EYS: variants seen among roughly 807,000 people sequenced by gnomAD.
EYS encodes the protein EGF-like photoreceptor maintenance factor, also known as protein eyes shut homolog.
EYS carries 250 observed loss-of-function variants against 282.1 expected under a neutral mutation model. The ratio of observed to expected loss-of-function variants is 0.89; its 90% CI spans 0.80 to 0.98. EYS has a LOEUF of 0.98. Ranked by LOEUF, EYS falls within the 50% of genes least tolerant of loss-of-function variation. EYS has a pLI of 0.00. For synonymous variants in EYS, 1,355 were observed against 1,282.9 expected (o/e 1.06, Z -1.20); for missense variants, 4,016 against 3,709.0 (o/e 1.08, Z -2.15).
intron 14 of EYS, among the ~76,000 whole-genome samples, chr6:64,996,153 T>C (rs1367533171): frequency 6.6e-6 from 1 of 152,090 alleles, no homozygotes; most frequent in Non-Finnish European, 1.5e-5. Flanking sequence ...TCAAATATAT[T>C]AGGTCCAGAG....
intron 28 of EYS, among the ~76,000 whole-genome samples, chr6:64,399,835 G>C (rs1430551731): frequency 6.6e-6 from 1 of 151,890 alleles, no homozygotes; most frequent in African/African-American, 2.4e-5. Context: ...TTGAAGCTGT[G>C]TTAGTGCTGA....
intron 31 of EYS, among the ~76,000 whole-genome samples, chr6:64,107,035 A>T (rs984181759): frequency 6.6e-6 from 1 of 150,984 alleles, no homozygotes; most frequent in African/African-American, 2.4e-5. Flanking sequence ...TAGAATTTTC[A>T]TCTCTCTGCT....
At chr6:64,861,603 G>T (rs1177921770) in intron 19 of EYS, among the ~76,000 whole-genome samples, 1 of 152,144 alleles carries the variant, frequency 6.6e-6, no homozygotes, top group African/African-American at 2.4e-5. Context: ...CTTCCACCCT[G>T]CCATCTCAGA....
intron 7 of EYS, among the ~76,000 whole-genome samples, chr6:65,393,626 A>T (rs1766146129): frequency 6.6e-6 from 1 of 152,148 alleles, no homozygotes; most frequent in African/African-American, 2.4e-5. Context: ...TTAGTTAGTT[A>T]TATTTGTGAC....
chr6:65,699,889 C>T (rs1210753445), intron 1 of EYS, among the ~76,000 whole-genome samples: 6 of 151,396 alleles, frequency 4.0e-5, no homozygotes, highest in Non-Finnish European at 8.8e-5. Flanking sequence ...CCGAGGCGGG[C>T]GAATCATGAG....
At chr6:64,575,750 G>C (rs1765861574) in intron 26 of EYS, among the ~76,000 whole-genome samples, 1 of 152,034 alleles carries the variant, frequency 6.6e-6, no homozygotes, top group South Asian at 2.1e-4. Flanking sequence ...ACCAAGTTTA[G>C]GTTTCAAGTA....
At chr6:63,751,058 A>G (rs1284900195) in intron 41 of EYS, among the ~76,000 whole-genome samples, 4 of 152,054 alleles carry the variant, frequency 2.6e-5, no homozygotes, top group South Asian at 2.1e-4. Context: ...AAGTTGAACA[A>G]TTCCTACTGA....
chr6:64,401,532 T>C (rs1461702966), intron 28 of EYS, among the ~76,000 whole-genome samples: 2 of 152,050 alleles, frequency 1.3e-5, no homozygotes, highest in African/African-American at 4.8e-5. Context: ...ACACTTTTTT[T>C]ATTGATACAT....
chr6:64,511,927 A>T (rs898915308), intron 26 of EYS, among the ~76,000 whole-genome samples: 7 of 152,020 alleles, frequency 4.6e-5, no homozygotes, highest in Non-Finnish European at 1.0e-4. Context: ...ATTAAGAAAT[A>T]TTTGGAAGAG....
intron 5 of EYS, among the ~76,000 whole-genome samples, chr6:65,419,585 T>A (rs1043899396): frequency 6.6e-6 from 1 of 151,984 alleles, no homozygotes. Context: ...ATATTTCACA[T>A]GCGATTTTAA....
chr6:65,398,413 A>T (rs1254813442), intron 7 of EYS, among the ~76,000 whole-genome samples: 1 of 152,040 alleles, frequency 6.6e-6, no homozygotes, highest in Non-Finnish European at 1.5e-5. Flanking sequence ...GGAAAAATAA[A>T]GAATTATATG....
At chr6:65,378,255 A>G (rs145650152) in intron 8 of EYS, among the ~76,000 whole-genome samples, 17 of 152,190 alleles carry the variant, frequency 1.1e-4, no homozygotes, top group Admixed American at 1.0e-3. Context: ...AAAAGAAGAC[A>G]TTTATGCAGT....
At chr6:64,692,977 C>T (rs373974558) in intron 22 of EYS, among the ~76,000 whole-genome samples, 95 of 11,494 alleles carry the variant, frequency 8.3e-3, no homozygotes, top group South Asian at 0.025. Context: ...GCTGCTTGGG[C>T]TTTTTTTTTT....
intron 22 of EYS, among the ~76,000 whole-genome samples, chr6:64,703,272 C>T (rs1770849978): frequency 1.3e-5 from 2 of 150,482 alleles, no homozygotes; most frequent in South Asian, 4.2e-4. Context: ...TATTAATATC[C>T]TTGTTGTATT....
At chr6:64,297,977 CA>C (rs34562408) in intron 30 of EYS, among the ~76,000 whole-genome samples, 48,114 of 96,404 alleles carry the variant, frequency 0.5, 9,245 homozygotes, top group South Asian at 0.58. Flanking sequence ...GATTCTGTCT[CA>C]AAAAAAAAAA....
intron 30 of EYS, among the ~76,000 whole-genome samples, chr6:64,297,079 T>A (rs1283629614): frequency 6.6e-6 from 1 of 152,144 alleles, no homozygotes; most frequent in Non-Finnish European, 1.5e-5. Flanking sequence ...GTTGTGTGCA[T>A]GTTTCTGGTG....
chr6:65,407,048 T>G (rs771442293), intron 5 of EYS, among the ~76,000 whole-genome samples: 8 of 152,118 alleles, frequency 5.3e-5, no homozygotes, highest in Non-Finnish European at 7.4e-5. Flanking sequence ...TAGATAAAAT[T>G]GGGAAAAATT....
At chr6:65,370,757 T>C (rs1400302704) in intron 8 of EYS, among the ~76,000 whole-genome samples, 1 of 151,902 alleles carries the variant, frequency 6.6e-6, no homozygotes, top group African/African-American at 2.4e-5. Flanking sequence ...TCAGTTTCTA[T>C]AGTCTGCGCA....
intron 29 of EYS, among the ~76,000 whole-genome samples, chr6:64,372,142 T>G (rs1158283465): frequency 1.1e-3 from 28 of 26,384 alleles, no homozygotes; most frequent in Non-Finnish European, 3.3e-3. Context: ...TTTTTTTTTT[T>G]TTTTTTTTTT....
Sources: gnomAD v4.1 joint callset for allele counts (sites outside exome capture counted in the v4.1 genomes callset) on GRCh38, gnomAD v4.1.1 for gene constraint, MANE v1.5 for transcripts, NCBI Gene and HGNC (gene_info 2026-07-23, HGNC 2026-07-21) for gene names.